Variants in CHST9 observed in about 807,000 individuals in gnomAD.
CHST9 encodes the protein carbohydrate sulfotransferase 9.
Under a neutral mutation model 44.4 loss-of-function variants are expected in CHST9, and 41 were observed. The ratio of observed to expected loss-of-function variants is 0.92; its 90% CI spans 0.72 to 1.20. The LOEUF (loss-of-function observed/expected upper bound fraction) is 1.20, where lower values mean the gene tolerates loss of function less well. Among genes scored for constraint, CHST9 ranks in the 50% most tolerant of loss-of-function variants. CHST9 has a pLI of 0.00. For missense variants in CHST9, 504 were observed against 516.5 expected (o/e 0.98, Z 0.23); for synonymous variants, 171 against 178.4 (o/e 0.96, Z 0.33).
chr18:27,080,919 C>T (rs2143680363), intron 2 of CHST9, among the ~76,000 whole-genome samples: 1 of 144,446 alleles, frequency 6.9e-6, no homozygotes, highest in Non-Finnish European at 1.5e-5. Context: ...AAGGCAACAG[C>T]TCACTGACAT....
chr18:26,958,009 C>T (rs1476568510), intron 4 of CHST9, among the ~76,000 whole-genome samples: 1 of 151,662 alleles, frequency 6.6e-6, no homozygotes, highest in Non-Finnish European at 1.5e-5. Context: ...GCCTCAGCCT[C>T]CTGAGTAGCT....
intron 4 of CHST9, among the ~76,000 whole-genome samples, chr18:26,947,438 C>T (rs183464829): frequency 6.6e-6 from 1 of 152,076 alleles, no homozygotes; most frequent in Admixed American, 6.6e-5. Context: ...TTCTGCACAG[C>T]AAAAGAAACT....
At chr18:27,068,324 ATTTATTTCT>A (rs1228101510) in intron 2 of CHST9, among the ~76,000 whole-genome samples, 1 of 151,250 alleles carries the variant, frequency 6.6e-6, no homozygotes, top group Non-Finnish European at 1.5e-5. Flanking sequence ...TGAGCTATTC[ATTTATTTCT>A]TTTATTTCTT....
chr18:27,168,596 T>C (rs953256625), intron 1 of CHST9, among the ~76,000 whole-genome samples: 1 of 151,966 alleles, frequency 6.6e-6, no homozygotes, highest in Non-Finnish European at 1.5e-5. Flanking sequence ...AAATCAAGAG[T>C]TCAGTTTTGA....
chr18:27,089,364 G>C (rs1424161211), intron 2 of CHST9, among the ~76,000 whole-genome samples: 1 of 147,394 alleles, frequency 6.8e-6, no homozygotes, highest in Non-Finnish European at 1.5e-5. Flanking sequence ...TCAATTCCCA[G>C]CTATGGGTGA....
intron 2 of CHST9, among the ~76,000 whole-genome samples, chr18:27,129,010 A>T (rs2058449287): frequency 1.3e-5 from 2 of 152,194 alleles, no homozygotes; most frequent in Admixed American, 6.5e-5. Context: ...GTAGGGAAGG[A>T]GGCAGGCACA....
chr18:27,115,325 T>C (rs1455365999), intron 2 of CHST9, among the ~76,000 whole-genome samples: 2 of 152,158 alleles, frequency 1.3e-5, no homozygotes, highest in Non-Finnish European at 2.9e-5. Context: ...TAAACATTCA[T>C]GTACAAATTT....
At chr18:27,181,574 G>A (rs1050081864) in intron 1 of CHST9, among the ~76,000 whole-genome samples, 3 of 152,142 alleles carry the variant, frequency 2.0e-5, no homozygotes, top group Non-Finnish European at 2.9e-5. Context: ...TAACGTCAAA[G>A]ACATACATAT....
intron 2 of CHST9, among the ~76,000 whole-genome samples, chr18:27,084,868 A>C (rs905230773): frequency 1.3e-5 from 2 of 152,062 alleles, no homozygotes; most frequent in Non-Finnish European, 2.9e-5. Context: ...TTAGTTTCAA[A>C]GAATTTCTTG....
intron 2 of CHST9, among the ~76,000 whole-genome samples, chr18:27,050,083 A>G (rs556705330): frequency 6.6e-6 from 1 of 152,236 alleles, no homozygotes; most frequent in South Asian, 2.1e-4. Context: ...ATTGTGAGAG[A>G]GTAGTTTTAG....
At chr18:27,159,069 C>T (rs1305859329) in intron 1 of CHST9, among the ~76,000 whole-genome samples, 1 of 152,168 alleles carries the variant, frequency 6.6e-6, no homozygotes, top group African/African-American at 2.4e-5. Flanking sequence ...TGCCTGTTCA[C>T]TCTGATGGTA....
chr18:26,937,179 GT>G (rs1207514214), intron 5 of CHST9, among the ~76,000 whole-genome samples: 1 of 152,142 alleles, frequency 6.6e-6, no homozygotes, highest in Non-Finnish European at 1.5e-5. Flanking sequence ...TCCCCTCTGA[GT>G]TTTTAATCTC....
intron 2 of CHST9, among the ~76,000 whole-genome samples, chr18:27,070,535 A>G (rs2057827187): frequency 6.6e-6 from 1 of 152,228 alleles, no homozygotes; most frequent in Admixed American, 6.5e-5. Flanking sequence ...TTTCCATGAT[A>G]GGGTTCCAAT....
At position 27,142,897 on chromosome 18, in the gene CHST9, T is replaced by C; in HGVS notation, c.-88A>G. 5.7e-6 allele frequency: 7 copies of C among 1,218,848 alleles called. No homozygotes were observed. The highest frequency in any genetic ancestry group is 8.0e-6 in the Non-Finnish European group (7 of 880,444). The allele number at this position is 1,218,848 out of a possible 1,614,324, so 75.5% of individuals were successfully genotyped here. ...CTTGTTCTCTAAGAGCCCAATTCCA[T>C]AAAGTAACCTAGAATTTTAAAAAGA... On this transcript the variant is annotated 5_prime_UTR_variant, in exon 2 of 6. It removes an upstream start codon present in the reference 5' UTR. Transcript: ENST00000618847.
At chr18:27,109,053 G>A (rs1013818812) in intron 2 of CHST9, among the ~76,000 whole-genome samples, 3 of 152,222 alleles carry the variant, frequency 2.0e-5, no homozygotes, top group Non-Finnish European at 4.4e-5. Context: ...AAGGCAGTAA[G>A]GGATAATTGT....
At chr18:27,172,222 A>G (rs1341123196) in intron 1 of CHST9, among the ~76,000 whole-genome samples, 3 of 152,180 alleles carry the variant, frequency 2.0e-5, no homozygotes, top group Admixed American at 2.0e-4. Flanking sequence ...CAAATTCTGT[A>G]TGGAAGTCCA....
chr18:27,018,091 C>A (rs1429570111), intron 4 of CHST9, among the ~76,000 whole-genome samples: 1 of 152,132 alleles, frequency 6.6e-6, no homozygotes, highest in Non-Finnish European at 1.5e-5. Flanking sequence ...CCACACTATG[C>A]CAGCAAGGGG....
intron 4 of CHST9, among the ~76,000 whole-genome samples, chr18:27,020,114 A>C (rs2057206827): frequency 6.6e-6 from 1 of 152,180 alleles, no homozygotes. Context: ...ACACTAGGAG[A>C]TTAAAGCACC....
At chr18:27,114,805 C>T (rs2058305913) in intron 2 of CHST9, among the ~76,000 whole-genome samples, 1 of 152,108 alleles carries the variant, frequency 6.6e-6, no homozygotes, top group Admixed American at 6.5e-5. Flanking sequence ...ATATCATTCC[C>T]ACTGTATAGA....
Sources: allele counts gnomAD v4.1 joint callset (sites outside exome capture counted in the v4.1 genomes callset), GRCh38; gene constraint gnomAD v4.1.1; transcripts MANE v1.5; gene names NCBI Gene and HGNC (gene_info 2026-07-23, HGNC 2026-07-21).